Variants in PLD5 observed in about 807,000 individuals in gnomAD.
PLD5 encodes the protein inactive phospholipase D5.
Under a neutral mutation model 61.1 loss-of-function variants are expected in PLD5, and 36 were observed. The ratio of observed to expected loss-of-function variants is 0.59; its 90% CI spans 0.45 to 0.78. The LOEUF (loss-of-function observed/expected upper bound fraction) is 0.78, where lower values mean the gene tolerates loss of function less well. Ranked by LOEUF, PLD5 falls within the 30% of genes least tolerant of loss-of-function variation. The probability of loss-of-function intolerance (pLI) is 0.00; values close to 1 mark genes in which losing one functional copy is unlikely to be tolerated. For synonymous variants in PLD5, 243 were observed against 242.8 expected, an observed-to-expected ratio of 1.00 and a Z score of -0.01; for missense variants, 515 against 644.4, an observed-to-expected ratio of 0.80 and a Z score of 2.17.
chr1:242,528,057 G>C (rs1271694959), upstream of PLD5, among the ~76,000 whole-genome samples: 1 of 152,182 alleles, frequency 6.6e-6, no homozygotes, highest in Admixed American at 6.5e-5. Flanking sequence ...ATAAATGACT[G>C]AATGGGTGCT....
chr1:242,451,453 C>A lies in PLD5; in HGVS notation c.189+72635G>T, dbSNP rs571965195. ...GATTGTAAACATGTTATTCCTGTAT[C>A]AAATTCTTTTTTTTTTTTTTTTTTT... On this transcript the variant is annotated intron_variant, in intron 1 of 9. Transcript: ENST00000536534. 1.2e-4 allele frequency among the ~76,000 whole-genome samples: 16 copies of A among 136,116 alleles called. No homozygotes were observed. The East Asian group carries it at 1.9e-3, about 16-fold the overall frequency. 89.3% of individuals were successfully genotyped at this position (136,116 alleles called of 152,430 possible). A position where few individuals can be genotyped will look rare whatever the true frequency, so the allele number is the denominator to read the frequency against.
chr1:242,381,211 T>C lies in PLD5; in HGVS notation c.190-32969A>G, dbSNP rs186176599. Among the ~76,000 whole-genome samples the C allele has an allele frequency of 7.9e-5, 12 of 152,324 alleles. No individual in the cohort carries two copies. In the East Asian group the frequency reaches 2.3e-3, roughly 29 times the overall value. ...TGCACATATGCCCCATGGAATATTA[T>C]GCAGTCATAAAAAGGAACAAGATCA... On this transcript the variant is annotated intron_variant, in intron 1 of 9. Coordinates refer to ENST00000536534, the MANE Select transcript of PLD5 (RefSeq NM_001372062.1).
chr1:242,207,564 C>A (rs1010135048), intron 5 of PLD5, among the ~76,000 whole-genome samples: 19 of 151,734 alleles, frequency 1.3e-4, no homozygotes, highest in African/African-American at 7.3e-5. Flanking sequence ...GACTCTGTAT[C>A]TTTGTTCACT....
chr1:242,411,073 A>G (rs1664522434), intron 1 of PLD5, among the ~76,000 whole-genome samples: 1 of 152,200 alleles, frequency 6.6e-6, no homozygotes, highest in Non-Finnish European at 1.5e-5. Flanking sequence ...GACTTTGATA[A>G]GAGAAATAAA....
intron 5 of PLD5, among the ~76,000 whole-genome samples, chr1:242,160,582 T>A (rs1192510937): frequency 6.6e-6 from 1 of 152,152 alleles, no homozygotes; most frequent in Non-Finnish European, 1.5e-5. Flanking sequence ...ATAACTTTAT[T>A]GACACTGGAA....
At chr1:242,287,524 T>A (rs1287793983) in intron 3 of PLD5, among the ~76,000 whole-genome samples, 2 of 152,206 alleles carry the variant, frequency 1.3e-5, no homozygotes, top group African/African-American at 4.8e-5. Context: ...TAAAATAGTA[T>A]AATTGAATAG....
chr1:242,123,095 C>T (rs983063287), intron 6 of PLD5, among the ~76,000 whole-genome samples: 2 of 152,146 alleles, frequency 1.3e-5, no homozygotes, highest in African/African-American at 2.4e-5. Context: ...TATAAATCTG[C>T]ACTTTAAGCA....
chr1:242,160,323 A>T (rs1263204955), intron 5 of PLD5, among the ~76,000 whole-genome samples: 10 of 150,638 alleles, frequency 6.6e-5, no homozygotes, highest in African/African-American at 2.2e-4. Context: ...GGCTTTTAGA[A>T]TCAGAAGTTA....
intron 5 of PLD5, among the ~76,000 whole-genome samples, chr1:242,214,445 G>A (rs944178479): frequency 6.6e-6 from 1 of 152,118 alleles, no homozygotes; most frequent in Non-Finnish European, 1.5e-5. Context: ...TTCAGCAATT[G>A]CTAGATCAAC....
chr1:242,329,889 G>A (rs1362849422), intron 2 of PLD5, among the ~76,000 whole-genome samples: 1 of 152,156 alleles, frequency 6.6e-6, no homozygotes, highest in Non-Finnish European at 1.5e-5. Flanking sequence ...CTTCACAAGT[G>A]TTGAGTATCT....
intron 5 of PLD5, among the ~76,000 whole-genome samples, chr1:242,169,805 C>A (rs1321025831): frequency 6.6e-6 from 1 of 152,176 alleles, no homozygotes; most frequent in African/African-American, 2.4e-5. Flanking sequence ...ACGGTGTAAA[C>A]AAAGCAGCCA....
intron 6 of PLD5, among the ~76,000 whole-genome samples, chr1:242,115,705 T>C (rs1035084340): frequency 6.6e-6 from 1 of 151,886 alleles, no homozygotes; most frequent in Non-Finnish European, 1.5e-5. Context: ...AAATCTTTCA[T>C]TGAGTTAGGA....
chr1:242,343,865 G>A (rs1275785071), intron 2 of PLD5, among the ~76,000 whole-genome samples: 1 of 152,074 alleles, frequency 6.6e-6, no homozygotes, highest in Non-Finnish European at 1.5e-5. Flanking sequence ...ATAGATGGGA[G>A]GAAAATTAAG....
intron 5 of PLD5, among the ~76,000 whole-genome samples, chr1:242,186,732 T>C (rs1158526273): frequency 1.3e-5 from 2 of 152,204 alleles, no homozygotes; most frequent in Admixed American, 1.3e-4. Context: ...CATAAGACAG[T>C]ATAGTATAAT....
At chr1:242,222,049 C>T (rs965831270) in intron 4 of PLD5, among the ~76,000 whole-genome samples, 4 of 152,040 alleles carry the variant, frequency 2.6e-5, no homozygotes, top group Admixed American at 6.6e-5. Flanking sequence ...TCTGGTGGTG[C>T]CCATTCATCT....
intron 5 of PLD5, among the ~76,000 whole-genome samples, chr1:242,141,248 G>T (rs946792368): frequency 6.6e-6 from 1 of 152,168 alleles, no homozygotes; most frequent in African/African-American, 2.4e-5. Context: ...TTACAATCCT[G>T]CAGGGAGTTT....
At chr1:242,370,062 T>C (rs866498594) in intron 1 of PLD5, among the ~76,000 whole-genome samples, 1 of 152,260 alleles carries the variant, frequency 6.6e-6, no homozygotes, top group South Asian at 2.1e-4. Context: ...TCTTTGCCAA[T>C]GATTGGTGAA....
At chr1:242,123,529 A>G (rs891791708) in intron 6 of PLD5, among the ~76,000 whole-genome samples, 9 of 151,728 alleles carry the variant, frequency 5.9e-5, no homozygotes, top group African/African-American at 2.2e-4. Flanking sequence ...ACACATTCAC[A>G]CTCGCTCACA....
At position 242,213,840 on chromosome 1, in the gene PLD5, G is replaced by A. The variant is rs74150864; in HGVS notation, c.735+6148C>T. Among the ~76,000 whole-genome samples the A allele has an allele frequency of 8.8e-3, 1,328 of 150,192 alleles. 18 individuals are homozygous for A. Among genetic ancestry groups the A allele is most frequent in the African/African-American group, 0.031 (1,270 of 40,660 alleles). On this transcript the variant is annotated intron_variant, in intron 5 of 9. Coordinates refer to ENST00000536534, the MANE Select transcript of PLD5 (RefSeq NM_001372062.1). ...GGTTAGTAGGACAGATGACCCCCCA[G>A]CACTGTGCTTTCTAGAATGGGTTTT...
Sources: gnomAD v4.1 joint callset for allele counts (sites outside exome capture counted in the v4.1 genomes callset) on GRCh38, gnomAD v4.1.1 for gene constraint, MANE v1.5 for transcripts, NCBI Gene and HGNC (gene_info 2026-07-23, HGNC 2026-07-21) for gene names.